Variants in INTS13 observed in about 807,000 individuals in gnomAD.
INTS13 encodes the protein asunder, spermatogenesis regulator homolog (Drosphila).
Under a neutral mutation model 90.2 loss-of-function variants are expected in INTS13, and 35 were observed. The observed-to-expected ratio is 0.39, with a 90% CI of 0.30 to 0.51. The LOEUF (loss-of-function observed/expected upper bound fraction) is 0.51, where lower values mean the gene tolerates loss of function less well. INTS13 is among the 20% of genes least tolerant of loss of function. The pLI, the probability that INTS13 is intolerant of heterozygous loss-of-function variation, is 0.80. For synonymous variants in INTS13, 309 were observed against 277.1 expected (o/e 1.11, Z -1.14); for missense variants, 601 against 851.2 (o/e 0.71, Z 3.66).
rs183186940 is a variant in INTS13, at chr12:26,918,036, C to T, written c.890-303G>A. Reference sequence around the variant, plus strand: ...ATTCGGGAGGCTGAGACAGAAGAATCGCTTGAACCTGGGCGGCAGAGGTTG... The same window carrying T: ...ATTCGGGAGGCTGAGACAGAAGAATTGCTTGAACCTGGGCGGCAGAGGTTG... On this transcript the variant is annotated intron_variant, in intron 8 of 16. Transcript: ENST00000261191. 4.5e-4 allele frequency among the ~76,000 whole-genome samples: 68 copies of T among 152,174 alleles called. No individual in the cohort carries two copies. In the East Asian group the frequency reaches 8.7e-3, roughly 19 times the overall value.
chr12:26,928,122 G>T, intron 5 of INTS13, 83 bp downstream of exon 5: 2 of 973,430 alleles, frequency 2.1e-6, no homozygotes, highest in Non-Finnish European at 3.0e-6. Flanking sequence ...TCAGGGAAAC[G>T]CTACCAGTCA....
intron 8 of INTS13, 126 bp downstream of exon 8, chr12:26,922,490 G>A (rs1294181700): frequency 1.9e-5 from 11 of 575,096 alleles, no homozygotes; most frequent in East Asian, 3.1e-5. Context: ...TATAGGGTTC[G>A]AGACCATCTG....
At chr12:26,917,594 C>T (rs1951974549) in intron 9 of INTS13, 50 bp downstream of exon 9, 3 of 1,519,292 alleles carry the variant, frequency 2.0e-6, no homozygotes, top group Non-Finnish European at 9.1e-7. Flanking sequence ...CCATATAATA[C>T]CTTAAGAACC....
At position 26,925,792 on chromosome 12, in the gene INTS13, T is replaced by G. The variant is rs770467285; in HGVS notation, c.644A>C (p.Asp215Ala). The G allele has an allele frequency of 1.2e-6, 2 of 1,612,738 alleles. No homozygotes were observed. The highest frequency in any genetic ancestry group is 1.7e-6 in the Non-Finnish European group (2 of 1,179,298). ...VLIHTYPVGEDSLVSDRSKKE... is the reference protein window; with the variant it reads ...VLIHTYPVGEASLVSDRSKKE... ...TTTAGAACGATCAGATACAAGGCTG[T>G]CTTCACCAACTGGGTAGGTGTGGAT... The change falls in exon 6 of 17, where the codon GAC becomes GCC. Residue 215 changes from aspartate to alanine, a missense_variant. Physicochemically the swap from Asp to Ala is moderately radical, Grantham distance 126. Transcript: ENST00000261191.
intron 4 of INTS13, 135 bp from the exon 5 acceptor site, chr12:26,928,420 G>T: frequency 1.4e-6 from 1 of 729,838 alleles, no homozygotes; most frequent in Non-Finnish European, 2.2e-6. Context: ...AGTGTGCTAA[G>T]TCATACCACT....
At chr12:26,906,602 T>C in intron 15 of INTS13, 165 bp from the exon 16 acceptor site, 1 of 714,588 alleles carries the variant, frequency 1.4e-6, no homozygotes, top group Non-Finnish European at 2.2e-6. Flanking sequence ...ATTTTCCTCT[T>C]ACTCTAAAAT....
At chr12:26,927,778 G>A (rs1937963825) in intron 5 of INTS13, among the ~76,000 whole-genome samples, 1 of 150,202 alleles carries the variant, frequency 6.7e-6, no homozygotes, top group Admixed American at 6.6e-5. Flanking sequence ...ACCAGGCCCG[G>A]CTAATTTTTA....
Position 26,917,371 on chromosome 12 carries a change from A to C in INTS13, c.1050T>G (p.Leu350=), listed in dbSNP as rs755400539. 7 of 1,491,822 alleles carry C rather than the reference A, an allele frequency of 4.7e-6. No individual in the cohort carries two copies. The highest frequency in any genetic ancestry group is 6.3e-6 in the Non-Finnish European group (7 of 1,102,446). 92.4% of individuals were successfully genotyped at this position (1,491,822 alleles called of 1,614,324 possible). ...VDVNSRPSSC[L]TNFLLNGRSV... ...AGTTACCATTTAGAAGAAAATTAGT[A>C]AGGCAGGAGGAAGGTCTACTATTTA... Residue 350 remains leucine, a synonymous_variant, in exon 10 of 17, where the codon CTT becomes CTG. Transcript: ENST00000261191.
At position 26,913,799 on chromosome 12, in the gene INTS13, A is replaced by G; in HGVS notation, c.1575-112T>C. ...ACTTCCTTCCTCTTACTTGGTACTT[A>G]ATAGTGAAATTCTAGGCTACAATAT... On this transcript the variant is annotated intron_variant, in intron 13 of 16. Coordinates refer to ENST00000261191, the MANE Select transcript of INTS13 (RefSeq NM_018164.3). 3 of 1,159,890 alleles carry G rather than the reference A, an allele frequency of 2.6e-6. No individual in the cohort carries two copies. In the East Asian group the frequency reaches 7.1e-5, roughly 27 times the overall value. 71.8% of individuals were successfully genotyped at this position (1,159,890 alleles called of 1,614,324 possible).
In INTS13 at chr12:26,934,919, A is replaced by G. The variant is rs530830979; in HGVS notation, c.226-289T>C. ...AAGAATACAAACAAATAAATGAACA[A>G]GATAATTTCAGAGAGTGATAAACGC... On this transcript the variant is annotated intron_variant, in intron 2 of 16. Transcript: ENST00000261191. Among the ~76,000 whole-genome samples the G allele has an allele frequency of 2.0e-5, 3 of 152,328 alleles. No individual in the cohort carries two copies. In the South Asian group the frequency reaches 6.2e-4, roughly 32 times the overall value.
In INTS13 at chr12:26,922,513, T is replaced by A. The variant is rs1324424056; in HGVS notation, c.889+103A>T. ...TCGAGACCATCTGAGATTTCAGGCA[T>A]CCACTGGGGGTCTTGGAATGTCTTC... On this transcript the variant is annotated intron_variant, in intron 8 of 16. Coordinates refer to ENST00000261191, the MANE Select transcript of INTS13 (RefSeq NM_018164.3). The A allele has an allele frequency of 9.5e-6, 7 of 737,224 alleles. No homozygotes were observed. The Admixed American group carries it at 1.8e-4, about 19-fold the overall frequency. The allele number at this position is 737,224 out of a possible 1,614,324, so 45.7% of individuals were successfully genotyped here. A position where few individuals can be genotyped will look rare whatever the true frequency, so the allele number is the denominator to read the frequency against.
intron 1 of INTS13, 64 bp from the exon 2 acceptor site, chr12:26,936,878 T>C (rs1402637123): frequency 9.2e-7 from 1 of 1,092,200 alleles, no homozygotes; most frequent in African/African-American, 1.6e-5. Context: ...TTTCTAATTT[T>C]CTCAAGAAGA....
intron 11 of INTS13, among the ~76,000 whole-genome samples, chr12:26,915,492 C>G (rs908407603): frequency 6.6e-6 from 1 of 152,046 alleles, no homozygotes; most frequent in Non-Finnish European, 1.5e-5. Context: ...ATAAATCACA[C>G]TTAGTTTTTA....
intron 7 of INTS13, 95 bp downstream of exon 7, chr12:26,924,260 T>C: frequency 7.2e-7 from 1 of 1,387,590 alleles, no homozygotes; most frequent in Non-Finnish European, 9.8e-7. Context: ...CCCAAAGTGC[T>C]GGGATTACAG....
chr12:26,915,873 T>C (rs1951918545), intron 11 of INTS13, 129 bp downstream of exon 11: 3 of 632,688 alleles, frequency 4.7e-6, no homozygotes, highest in South Asian at 6.8e-5. Flanking sequence ...ATTCACCTAA[T>C]TAAAATAATA....
chr12:26,933,383 A>G (rs1304256622), intron 3 of INTS13, among the ~76,000 whole-genome samples: 1 of 152,240 alleles, frequency 6.6e-6, no homozygotes, highest in Non-Finnish European at 1.5e-5. Context: ...ACACCAAGGC[A>G]CACCACTGAG....
At chr12:26,913,749 A>T in intron 13 of INTS13, 62 bp from the exon 14 acceptor site, 2 of 1,402,158 alleles carry the variant, frequency 1.4e-6, no homozygotes, top group Non-Finnish European at 2.0e-6. Context: ...CTAGTGGTAA[A>T]GTAAAAACAA....
At chr12:26,935,102 T>C (rs1323541762) in intron 2 of INTS13, among the ~76,000 whole-genome samples, 1 of 152,164 alleles carries the variant, frequency 6.6e-6, no homozygotes, top group African/African-American at 2.4e-5. Flanking sequence ...TCTAAGCATA[T>C]ACCCTGGAAA....
chr12:26,906,600 CTT>C, intron 15 of INTS13, 163 bp from the exon 16 acceptor site: 1 of 726,878 alleles, frequency 1.4e-6, no homozygotes, highest in Non-Finnish European at 2.2e-6. Flanking sequence ...TCATTTTCCT[CTT>C]ACTCTAAAAT....
Sources: allele counts gnomAD v4.1 joint callset (sites outside exome capture counted in the v4.1 genomes callset), GRCh38; gene constraint gnomAD v4.1.1; transcripts MANE v1.5; gene names NCBI Gene and HGNC (gene_info 2026-07-23, HGNC 2026-07-21).